RIN2: variants seen among roughly 807,000 people sequenced by gnomAD.
The protein encoded by RIN2 is Ras and Rab interactor 2, also known as RAB5 interacting protein 2.
A neutral mutation model predicts 78.0 loss-of-function variants in RIN2; 36 were observed. The ratio of observed to expected loss-of-function variants is 0.46; its 90% CI spans 0.35 to 0.61. RIN2 has a LOEUF of 0.61. Among genes scored for constraint, RIN2 ranks in the 20% least tolerant of loss-of-function variants. The pLI is 0.00. For missense variants in RIN2, 1,087 were observed against 1,159.7 expected (o/e 0.94, Z 0.91); for synonymous variants, 466 against 466.8 (o/e 1.00, Z 0.02).
intron 4 of RIN2, among the ~76,000 whole-genome samples, chr20:19,947,670 G>T (rs977184471): frequency 3.3e-5 from 5 of 152,216 alleles, no homozygotes; most frequent in Admixed American, 6.5e-5. Context: ...AAAAGTCTAG[G>T]AGATTCCCGG....
intron 2 of RIN2, among the ~76,000 whole-genome samples, chr20:19,875,436 A>G (rs1450793767): frequency 1.3e-5 from 2 of 152,146 alleles, no homozygotes; most frequent in Non-Finnish European, 2.9e-5. Flanking sequence ...AAGTGCTAGG[A>G]TTACAGGCGT....
chr20:19,974,895 G>T lies in RIN2; in HGVS notation c.870G>T (p.Arg290=), dbSNP rs1001376648. The change falls in exon 9 of 13, where the codon CGG becomes CGT. Residue 290 remains arginine (R), a synonymous_variant. Coordinates refer to ENST00000255006, the MANE Select transcript of RIN2 (RefSeq NM_018993.4). ...HSQDLSGGLK[R]PSTRTPNANG... is the part of the protein sequence containing the mutation. ...AGGACCTCAGTGGAGGCCTGAAACGGCCGAGCACAAGGACTCCCAACGCGA... is the reference window on the plus strand; with the variant it reads ...AGGACCTCAGTGGAGGCCTGAAACGTCCGAGCACAAGGACTCCCAACGCGA... The T allele has an allele frequency of 6.2e-7, 1 of 1,613,944 alleles. No homozygotes were observed. The highest frequency in any genetic ancestry group is 8.5e-7 in the Non-Finnish European group (1 of 1,179,878).
intron 2 of RIN2, among the ~76,000 whole-genome samples, chr20:19,853,109 A>C (rs1266466692): frequency 7.3e-6 from 1 of 136,584 alleles, no homozygotes; most frequent in Non-Finnish European, 1.5e-5. Flanking sequence ...TTCAATTCCC[A>C]CCTATGAGTG....
intron 1 of RIN2, among the ~76,000 whole-genome samples, chr20:19,761,396 G>A: frequency 6.6e-6 from 1 of 152,176 alleles, no homozygotes; most frequent in Middle Eastern, 3.2e-3. Context: ...AAATGCTAAT[G>A]TTGTCTGTTT....
At chr20:19,838,083 A>C (rs1294463539) in intron 2 of RIN2, among the ~76,000 whole-genome samples, 1 of 152,230 alleles carries the variant, frequency 6.6e-6, no homozygotes, top group Non-Finnish European at 1.5e-5. Context: ...TTAGTTAAAA[A>C]ACAAAAACAT....
intron 2 of RIN2, among the ~76,000 whole-genome samples, chr20:19,806,586 A>G (rs1018466340): frequency 5.3e-5 from 8 of 152,180 alleles, no homozygotes; most frequent in African/African-American, 1.9e-4. Context: ...GTGTGCAACA[A>G]AACATCTCCA....
chr20:19,881,348 G>T (rs192750334), intron 2 of RIN2, among the ~76,000 whole-genome samples: 1 of 152,230 alleles, frequency 6.6e-6, no homozygotes, highest in Non-Finnish European at 1.5e-5. Flanking sequence ...ATTTCCCTGC[G>T]CATCACTAAC....
intron 2 of RIN2, among the ~76,000 whole-genome samples, chr20:19,846,685 C>G (rs576050496): frequency 6.6e-6 from 1 of 152,324 alleles, no homozygotes; most frequent in East Asian, 1.9e-4. Flanking sequence ...TTGATTTCCT[C>G]TCTTCCTATT....
chr20:19,904,477 A>G (rs984089607), intron 3 of RIN2, among the ~76,000 whole-genome samples: 1 of 151,994 alleles, frequency 6.6e-6, no homozygotes, highest in Non-Finnish European at 1.5e-5. Context: ...GGCTACTCAC[A>G]TTGGGGTAGG....
chr20:19,927,920 T>C (rs2040290823), intron 3 of RIN2, among the ~76,000 whole-genome samples: 1 of 149,034 alleles, frequency 6.7e-6, no homozygotes, highest in Admixed American at 6.6e-5. Flanking sequence ...GTTTTGTTTT[T>C]GAGATGGAGT....
intron 4 of RIN2, among the ~76,000 whole-genome samples, chr20:19,937,269 G>A (rs1390349533): frequency 6.6e-6 from 1 of 152,216 alleles, no homozygotes; most frequent in Non-Finnish European, 1.5e-5. Flanking sequence ...CAGCCAAAGG[G>A]GAGAGGAGGG....
At chr20:19,833,029 G>T (rs2123014299) in intron 2 of RIN2, among the ~76,000 whole-genome samples, 1 of 152,172 alleles carries the variant, frequency 6.6e-6, no homozygotes, top group East Asian at 1.9e-4. Context: ...TCCTAAGCCG[G>T]ATTACCCTGC....
At chr20:19,924,392 CCT>C (rs1380248916) in intron 3 of RIN2, among the ~76,000 whole-genome samples, 1 of 46,802 alleles carries the variant, frequency 2.1e-5, no homozygotes, top group African/African-American at 1.2e-4. Context: ...TCGTACCCCA[CCT>C]CTTCATACCC....
intron 3 of RIN2, among the ~76,000 whole-genome samples, chr20:19,911,084 C>G (rs1264350279): frequency 1.3e-5 from 2 of 151,336 alleles, no homozygotes; most frequent in East Asian, 3.9e-4. Flanking sequence ...AAGTTTCACT[C>G]TTGTTGCCCA....
In RIN2 at chr20:19,953,629, AG is replaced by A. The variant is rs1335821288; in HGVS notation, c.159-2983del. 2.6e-5 allele frequency among the ~76,000 whole-genome samples: 4 copies of A among 152,004 alleles called. No homozygotes were observed. The East Asian group carries it at 5.8e-4, about 22-fold the overall frequency. On this transcript the variant is annotated intron_variant, in intron 4 of 12. Coordinates refer to ENST00000255006, the MANE Select transcript of RIN2 (RefSeq NM_018993.4). The stretch of plus-strand genomic sequence containing the variant: ...CTACTTTTTGTATTTTAGTAGAGAC[AG>A]GGATTCACCATGTTGGCCAGGCTGA...
At chr20:19,978,106 A>G (rs6112698) in intron 9 of RIN2, among the ~76,000 whole-genome samples, 1,646 of 152,052 alleles carry the variant, frequency 0.011, 35 homozygotes, top group African/African-American at 0.037. Context: ...CAGAACATGG[A>G]CTTAGCCAGC....
intron 4 of RIN2, among the ~76,000 whole-genome samples, chr20:19,949,960 C>G (rs904206510): frequency 9.9e-5 from 15 of 152,190 alleles, no homozygotes; most frequent in African/African-American, 2.7e-4. Context: ...TCTGCAATCA[C>G]TTACTCTCCC....
At chr20:19,847,043 C>A (rs2036808042) in intron 2 of RIN2, among the ~76,000 whole-genome samples, 1 of 152,128 alleles carries the variant, frequency 6.6e-6, no homozygotes, top group Non-Finnish European at 1.5e-5. Flanking sequence ...TTCCATTTTT[C>A]TTTTGTTTAT....
intron 4 of RIN2, among the ~76,000 whole-genome samples, chr20:19,949,055 G>A (rs901538668): frequency 6.6e-6 from 1 of 152,162 alleles, no homozygotes; most frequent in African/African-American, 2.4e-5. Context: ...CAAGGCGGGG[G>A]ATTGCCTGAG....
Sources: allele counts gnomAD v4.1 joint callset (sites outside exome capture counted in the v4.1 genomes callset), GRCh38; gene constraint gnomAD v4.1.1; transcripts MANE v1.5; gene names NCBI Gene and HGNC (gene_info 2026-07-23, HGNC 2026-07-21).